Variants in SPAG9 observed in about 807,000 individuals in gnomAD.
SPAG9 encodes sperm associated antigen 9, also known as C-Jun-amino-terminal kinase-interacting protein 4.
A neutral mutation model predicts 166.5 loss-of-function variants in SPAG9; 35 were observed. The ratio of observed to expected loss-of-function variants is 0.21; its 90% CI spans 0.16 to 0.28. The LOEUF (loss-of-function observed/expected upper bound fraction) is 0.28. Ranked by LOEUF, SPAG9 falls within the 10% of genes least tolerant of loss-of-function variation. The pLI, the probability that SPAG9 is intolerant of heterozygous loss-of-function variation, is 1.00. For synonymous variants in SPAG9, 534 were observed against 565.5 expected (o/e 0.94, Z 0.79); for missense variants, 1,235 against 1,603.3 (o/e 0.77, Z 3.92).
At chr17:51,052,486 G>A (rs953009209) in intron 3 of SPAG9, among the ~76,000 whole-genome samples, 1 of 152,126 alleles carries the variant, frequency 6.6e-6, no homozygotes, top group Non-Finnish European at 1.5e-5. Flanking sequence ...TCATAACTGA[G>A]GGAGGAGATC....
chr17:51,087,552 T>G (rs1195780283), intron 1 of SPAG9, among the ~76,000 whole-genome samples: 1 of 152,110 alleles, frequency 6.6e-6, no homozygotes, highest in Admixed American at 6.6e-5. Flanking sequence ...ATCAACAAAA[T>G]ACTTGGGCAA....
intron 1 of SPAG9, among the ~76,000 whole-genome samples, chr17:51,115,119 A>G (rs76106277): frequency 0.026 from 3,899 of 152,300 alleles, 170 homozygotes; most frequent in East Asian, 0.19. Context: ...TACTGCTTTA[A>G]GTGCTGATTC....
chr17:51,020,503 A>G (rs911340499), intron 7 of SPAG9, among the ~76,000 whole-genome samples: 1 of 152,202 alleles, frequency 6.6e-6, no homozygotes, highest in South Asian at 2.1e-4. Flanking sequence ...AGTACAATGT[A>G]TCCAAGGCCC....
At chr17:50,979,128 T>C (rs541287994) in intron 26 of SPAG9, among the ~76,000 whole-genome samples, 9 of 151,748 alleles carry the variant, frequency 5.9e-5, no homozygotes, top group Admixed American at 3.3e-4. Flanking sequence ...CACCAGCACT[T>C]TGGGAGGCTG....
chr17:50,987,440 A>C (rs1372109999), intron 21 of SPAG9, among the ~76,000 whole-genome samples: 1 of 152,084 alleles, frequency 6.6e-6, no homozygotes, highest in Non-Finnish European at 1.5e-5. Flanking sequence ...CTCAGGCTCA[A>C]GTGATCTTTC....
At chr17:51,081,999 C>A (rs1250924179) in intron 1 of SPAG9, among the ~76,000 whole-genome samples, 1 of 152,194 alleles carries the variant, frequency 6.6e-6, no homozygotes, top group Non-Finnish European at 1.5e-5. Context: ...GATATCCAAA[C>A]AGCTTGCTCT....
At chr17:51,029,317 G>A (rs1444011310) in intron 6 of SPAG9, among the ~76,000 whole-genome samples, 1 of 152,114 alleles carries the variant, frequency 6.6e-6, no homozygotes, top group Non-Finnish European at 1.5e-5. Flanking sequence ...CCACTATCAA[G>A]AAAAAGAGGA....
intron 13 of SPAG9, among the ~76,000 whole-genome samples, chr17:51,000,745 ATAAAT>A (rs1216513382): frequency 1.2e-5 from 1 of 80,204 alleles, no homozygotes. Flanking sequence ...CTCCATCTCA[ATAAAT>A]GAATGAATAA....
At chr17:51,027,718 G>A (rs6504694) in intron 6 of SPAG9, among the ~76,000 whole-genome samples, 89,078 of 152,020 alleles carry the variant, frequency 0.59, 26,658 homozygotes, top group African/African-American at 0.68. Context: ...TATAGTACAT[G>A]CAATTCTATA....
intron 3 of SPAG9, among the ~76,000 whole-genome samples, chr17:51,047,776 A>G (rs1412026458): frequency 6.6e-6 from 1 of 151,906 alleles, no homozygotes; most frequent in Non-Finnish European, 1.5e-5. Flanking sequence ...AAGAACACAA[A>G]TTAGTAAACA....
At chr17:50,976,094 C>A (rs975735004) in intron 27 of SPAG9, among the ~76,000 whole-genome samples, 6 of 151,828 alleles carry the variant, frequency 4.0e-5, no homozygotes, top group African/African-American at 1.5e-4. Flanking sequence ...CTATTAGAAT[C>A]TCTGCTGAAA....
chr17:51,025,056 C>T (rs376327843), intron 6 of SPAG9, among the ~76,000 whole-genome samples: 2 of 149,862 alleles, frequency 1.3e-5, no homozygotes, highest in African/African-American at 4.9e-5. Context: ...CAGTGGCTCA[C>T]GCCTGTAATC....
In SPAG9 at chr17:51,021,189, C is replaced by G; in HGVS notation, c.960G>C (p.Gln320His). Residue 320 changes from glutamine (Q) to histidine (H), a missense_variant, in exon 7 of 30, where the codon CAG (glutamine) becomes CAC (histidine). This residue lies in a region of SPAG9 where 288 missense variants were observed against 323.7 expected (regional missense o/e 0.89). Transcript: ENST00000262013. ...KSEISKHIEV[Q>H]VAQETRNVST... Reference sequence around the variant, plus strand: ...ATACATTTCTAGTTTCCTGGGCTACCTGTACTTCAATGTGTTTGCTTATCT... The same window carrying G: ...ATACATTTCTAGTTTCCTGGGCTACGTGTACTTCAATGTGTTTGCTTATCT... The G allele has an allele frequency of 6.2e-7, 1 of 1,613,970 alleles. No homozygotes were observed. Among genetic ancestry groups the G allele is most frequent in the African/African-American group, 1.3e-5 (1 of 75,018 alleles).
rs115608903 is a variant in SPAG9 at position 51,007,783 on chromosome 17, C to T, written c.1214-457G>A. 2.4e-3 allele frequency: 1,052 copies of T among 432,992 alleles called. 6 individuals carry two copies. Among genetic ancestry groups the T allele is most frequent in the African/African-American group, 0.019 (928 of 48,390 alleles). The allele number at this position is 432,992 out of a possible 1,614,324, so 26.8% of individuals were successfully genotyped here. ...AAAATTAGACCTTATTAATAGAGAA[C>T]AGGCAAAAACAAGGCTAAAGAAAGA... On this transcript the variant is annotated intron_variant, in intron 9 of 29. Transcript: ENST00000262013.
chr17:51,086,172 G>A (rs956689245), intron 1 of SPAG9, among the ~76,000 whole-genome samples: 1 of 151,726 alleles, frequency 6.6e-6, no homozygotes, highest in African/African-American at 2.4e-5. Flanking sequence ...TAGAGACAGG[G>A]TTTCAGTATG....
intron 1 of SPAG9, among the ~76,000 whole-genome samples, chr17:51,116,428 C>T (rs2049289623): frequency 6.6e-6 from 1 of 152,084 alleles, no homozygotes; most frequent in Non-Finnish European, 1.5e-5. Context: ...CAGTTATAAC[C>T]TCTCTCTCCA....
chr17:51,085,812 C>T (rs1388438874), intron 1 of SPAG9, among the ~76,000 whole-genome samples: 3 of 152,032 alleles, frequency 2.0e-5, no homozygotes, highest in Non-Finnish European at 4.4e-5. Context: ...ATCTTATACC[C>T]AGAAAGATAA....
intron 3 of SPAG9, among the ~76,000 whole-genome samples, chr17:51,050,224 C>T (rs574929784): frequency 1.3e-5 from 2 of 152,234 alleles, no homozygotes; most frequent in Admixed American, 6.5e-5. Context: ...CTCAACCAAA[C>T]TAGCACTTTA....
chr17:50,964,923 ATT>A lies in SPAG9; in HGVS notation c.*1347_*1348del. On this transcript the variant is annotated 3_prime_UTR_variant, in exon 30 of 30. Transcript: ENST00000262013. ...ATGTGCCACCACACCCGGTTAATTT[ATT>A]TTGTTTTTTTTTTTTGGTAGAGACA... 1 of 180,378 alleles carries A rather than the reference ATT, an allele frequency of 5.5e-6. No homozygotes were observed. Among genetic ancestry groups the A allele is most frequent in the South Asian group, 6.7e-5 (1 of 14,932 alleles). 11.2% of individuals were successfully genotyped at this position (180,378 alleles called of 1,614,324 possible).
Sources: gnomAD v4.1 joint callset for allele counts (sites outside exome capture counted in the v4.1 genomes callset) on GRCh38, gnomAD v4.1.1 for gene constraint, gnomAD v4.1.1 regional missense constraint, MANE v1.5 for transcripts, NCBI Gene and HGNC (gene_info 2026-07-23, HGNC 2026-07-21) for gene names.